The following MTHFD1L variants were observed in gnomAD, a reference collection of about 807,000 sequenced individuals.
The protein encoded by MTHFD1L is methylenetetrahydrofolate dehydrogenase (NADP+ dependent) 1 like.
MTHFD1L carries 81 observed loss-of-function variants against 119.5 expected under a neutral mutation model. The ratio of observed to expected loss-of-function variants is 0.68; its 90% CI spans 0.57 to 0.82. The LOEUF is 0.82. Ranked by LOEUF, MTHFD1L falls within the 40% of genes least tolerant of loss-of-function variation. MTHFD1L has a pLI of 0.00. For synonymous variants in MTHFD1L, 430 were observed against 475.2 expected (o/e 0.90, Z 1.24); for missense variants, 1,125 against 1,253.4 (o/e 0.90, Z 1.55).
intron 11 of MTHFD1L, chr6:150,934,832 A>G: frequency 8.9e-7 from 1 of 1,126,096 alleles, no homozygotes; most frequent in African/African-American, 1.6e-5. Context: ...CCTCGTAGAA[A>G]TGCCTGCCAA....
At chr6:150,866,138 G>A in intron 1 of MTHFD1L, 89 bp downstream of exon 1, 1 of 1,424,176 alleles carries the variant, frequency 7.0e-7, no homozygotes, top group Non-Finnish European at 9.2e-7. Context: ...GTGGGGAGCG[G>A]GGCGCGGGGC....
At chr6:151,049,499 A>C (rs1440663776) in intron 26 of MTHFD1L, among the ~76,000 whole-genome samples, 2 of 151,370 alleles carry the variant, frequency 1.3e-5, no homozygotes, top group Non-Finnish European at 1.5e-5. Context: ...CTCAAAAAAA[A>C]AAAAAAAAAA....
chr6:150,922,349 C>T, intron 10 of MTHFD1L, 47 bp downstream of exon 10: 3 of 1,491,280 alleles, frequency 2.0e-6, no homozygotes, highest in Non-Finnish European at 2.8e-6. Context: ...AGCACAGTGC[C>T]TTAGCCCTAG....
chr6:151,033,644 C>G (rs1240498308), intron 24 of MTHFD1L, among the ~76,000 whole-genome samples: 2 of 152,294 alleles, frequency 1.3e-5, no homozygotes, highest in Non-Finnish European at 1.5e-5. Flanking sequence ...AGTCTTCTCA[C>G]ATTTCTTCCA....
Position 151,039,334 on chromosome 6 carries a change from G to A in MTHFD1L, c.2847+2217G>A, listed in dbSNP as rs1395842307. ...GTTGCCAGGAGTTGGGGGAGGGGAA[G>A]CGTTTGACTGCAGAGGGGCAGGAGG... On this transcript the variant is annotated intron_variant, in intron 26 of 27. Coordinates refer to ENST00000367321, the MANE Select transcript of MTHFD1L (RefSeq NM_015440.5). This position sits in a 1 kb window ranked among gnomAD's most constrained non-coding sequence, Gnocchi z 4.4. Among the ~76,000 whole-genome samples, 20 of 152,272 alleles carry A rather than the reference G, an allele frequency of 1.3e-4. No individual in the cohort carries two copies. The highest frequency in any genetic ancestry group is 5.9e-5 in the Non-Finnish European group (4 of 68,028).
chr6:150,993,600 C>G (rs1330115068), intron 20 of MTHFD1L, among the ~76,000 whole-genome samples: 1 of 152,150 alleles, frequency 6.6e-6, no homozygotes, highest in Non-Finnish European at 1.5e-5. Flanking sequence ...GCATGAGCCA[C>G]CACAGCCGGC....
intron 8 of MTHFD1L, among the ~76,000 whole-genome samples, chr6:150,911,450 A>G (rs1192542859): frequency 6.6e-6 from 1 of 152,232 alleles, no homozygotes; most frequent in African/African-American, 2.4e-5. Context: ...TCACACTGCT[A>G]TAAAGAAATA....
chr6:150,913,805 G>A (rs1224133979), intron 8 of MTHFD1L, among the ~76,000 whole-genome samples: 1 of 151,986 alleles, frequency 6.6e-6, no homozygotes, highest in Admixed American at 6.6e-5. Flanking sequence ...ACCAGCCTGG[G>A]CAACATAGTG....
In MTHFD1L at chr6:151,034,602, TA is replaced by T; in HGVS notation, c.2694+6del. 6.3e-7 allele frequency: 1 copy of T among 1,591,938 alleles called. No homozygotes were observed. Among genetic ancestry groups the T allele is most frequent in the Non-Finnish European group, 8.6e-7 (1 of 1,162,114 alleles). On this transcript the variant is annotated splice_donor_region_variant and intron_variant, in intron 25 of 27. Coordinates refer to ENST00000367321, the MANE Select transcript of MTHFD1L (RefSeq NM_015440.5). ...AAAATAGATCGTTACACTCAACAGG[TA>T]AAAGTTCTACTTTTAGGGGAAAAGA...
intron 1 of MTHFD1L, among the ~76,000 whole-genome samples, chr6:150,875,561 T>C (rs886242350): frequency 3.0e-4 from 46 of 152,066 alleles, no homozygotes; most frequent in African/African-American, 1.0e-3. Context: ...TTTCCTCCCC[T>C]TCCTTCCTTA....
At chr6:150,951,533 T>C (rs1222701064) in intron 16 of MTHFD1L, among the ~76,000 whole-genome samples, 1 of 152,178 alleles carries the variant, frequency 6.6e-6, no homozygotes, top group Non-Finnish European at 1.5e-5. Flanking sequence ...GTTTCATTCA[T>C]TTATATCATA....
rs1341909826 is a variant in MTHFD1L, at chr6:150,866,715, C to G, written c.227+666C>G. On this transcript the variant is annotated intron_variant, in intron 1 of 27. Coordinates refer to ENST00000367321, the MANE Select transcript of MTHFD1L (RefSeq NM_015440.5). ...TGGTTTCCAGCTTCGCCGCGCAGCG[C>G]CCACGGAGTCCCCGCGCAGCTGGGT... is the stretch of plus-strand genomic sequence containing the variant. The G allele has an allele frequency of 7.2e-6, 8 of 1,104,104 alleles. No individual in the cohort carries two copies. The East Asian group carries it at 3.5e-4, about 48-fold the overall frequency. 68.4% of individuals were successfully genotyped at this position (1,104,104 alleles called of 1,614,324 possible). A position where few individuals can be genotyped will look rare whatever the true frequency, so the allele number is the denominator to read the frequency against.
At chr6:150,881,815 G>A (rs1781438613) in intron 4 of MTHFD1L, among the ~76,000 whole-genome samples, 1 of 152,138 alleles carries the variant, frequency 6.6e-6, no homozygotes, top group African/African-American at 2.4e-5. Flanking sequence ...CAAACCATTT[G>A]TTGAATGAAT....
intron 20 of MTHFD1L, among the ~76,000 whole-genome samples, chr6:151,000,939 G>T (rs1466079885): frequency 1.3e-5 from 2 of 152,218 alleles, no homozygotes; most frequent in East Asian, 3.8e-4. Flanking sequence ...TTGATTTGTT[G>T]TGAGGAAGCA....
chr6:150,868,990 G>C (rs1034939567), intron 1 of MTHFD1L, among the ~76,000 whole-genome samples: 5 of 152,160 alleles, frequency 3.3e-5, no homozygotes, highest in Non-Finnish European at 5.9e-5. Context: ...GAGCCCAGGA[G>C]GTCAAGGCTA....
At chr6:151,024,154 C>T (rs1784327496) in intron 24 of MTHFD1L, among the ~76,000 whole-genome samples, 1 of 151,878 alleles carries the variant, frequency 6.6e-6, no homozygotes, top group African/African-American at 2.4e-5. Context: ...ACGGAACGAG[C>T]GTTGCACCTG....
chr6:151,073,046 T>G (rs1350839400), intron 26 of MTHFD1L, among the ~76,000 whole-genome samples: 1 of 152,118 alleles, frequency 6.6e-6, no homozygotes, highest in Non-Finnish European at 1.5e-5. Flanking sequence ...TAATTGTCCT[T>G]ATCTAGAAAA....
chr6:151,046,514 T>TACAC (rs1431193716), intron 26 of MTHFD1L, among the ~76,000 whole-genome samples: 1 of 136,600 alleles, frequency 7.3e-6, no homozygotes, highest in Non-Finnish European at 1.6e-5. Flanking sequence ...TATATATATA[T>TACAC]AGACTCATTT....
At chr6:150,933,488 G>A (rs1276490452) in intron 11 of MTHFD1L, among the ~76,000 whole-genome samples, 2 of 151,910 alleles carry the variant, frequency 1.3e-5, no homozygotes, top group Admixed American at 6.6e-5. Flanking sequence ...CAGTCTTCAC[G>A]TTGACCCCAC....
Sources: allele counts gnomAD v4.1 joint callset (sites outside exome capture counted in the v4.1 genomes callset), GRCh38; gene constraint gnomAD v4.1.1; non-coding constraint Gnocchi (gnomAD v3.1); transcripts MANE v1.5; gene names NCBI Gene and HGNC (gene_info 2026-07-23, HGNC 2026-07-21).